STON1: variants seen among roughly 807,000 people sequenced by gnomAD.
STON1 encodes the protein stonin-1.
STON1 carries 79 observed loss-of-function variants against 60.9 expected under a neutral mutation model. The observed-to-expected ratio is 1.30, with a 90% confidence interval of 1.08 to 1.56. STON1 has a LOEUF of 1.56. STON1 is among the 40% of genes most tolerant of loss of function. The pLI is 0.00. For synonymous variants in STON1, 363 were observed against 306.9 expected (o/e 1.18, Z -1.91); for missense variants, 1,166 against 858.9 (o/e 1.36, Z -4.47).
chr2:48,565,525 G>A (rs991108582), intron 1 of STON1, among the ~76,000 whole-genome samples: 2 of 152,274 alleles, frequency 1.3e-5, no homozygotes, highest in Non-Finnish European at 1.5e-5. Context: ...CCCTGAGCAG[G>A]GAATTGGGCA....
chr2:48,541,521 T>TAAAA (rs1276920612), intron 1 of STON1, among the ~76,000 whole-genome samples: 1 of 92,388 alleles, frequency 1.1e-5, no homozygotes, highest in African/African-American at 4.1e-5. Context: ...CCATCTCTAC[T>TAAAA]AAAAAAAAAA....
rs1673883542 is a variant in STON1 at position 48,581,498 on chromosome 2, A to G, written c.865A>G (p.Met289Val). 6.2e-7 allele frequency: 1 copy of G among 1,614,094 alleles called. No homozygotes were observed. Among genetic ancestry groups the G allele is most frequent in the African/African-American group, 1.3e-5 (1 of 74,938 alleles). Residue 289 changes from methionine (M) to valine (V), a missense_variant, in exon 2 of 4, where the codon ATG becomes GTG. Met to Val is a conservative substitution (Grantham distance 21). Coordinates refer to ENST00000404752, the MANE Select transcript of STON1 (RefSeq NM_006873.4). ...MLRIPEKKNM[M>V]SSRQWGPIFL... ...GAGAATTCCTGAGAAGAAGAATATG[A>G]TGTCTTCCCGGCAATGGGGACCAAT... is the stretch of plus-strand genomic sequence containing the variant.
chr2:48,530,214 C>A lies in STON1; in HGVS notation c.-50C>A. 1 of 400,206 alleles carries A rather than the reference C, an allele frequency of 2.5e-6. No homozygotes were observed. The highest frequency in any genetic ancestry group is 1.9e-5 in the South Asian group (1 of 52,846). 24.8% of individuals were successfully genotyped at this position (400,206 alleles called of 1,614,324 possible). ...CAGAATCGGAGCCCCAACCGCGCTG[C>A]CGGTGAGTGACCAGCCCCAGGGGAC... On this transcript the variant is annotated splice_region_variant and 5_prime_UTR_variant, in exon 1 of 4. Transcript: ENST00000404752.
intron 1 of STON1, among the ~76,000 whole-genome samples, chr2:48,555,446 G>A (rs1419962421): frequency 5.0e-5 from 5 of 100,664 alleles, no homozygotes; most frequent in Non-Finnish European, 6.4e-5. Flanking sequence ...GCCGGGCAGG[G>A]GGGCTGACCC....
rs948676650 is a variant in STON1, at chr2:48,584,366, C to T, written c.1930+1803C>T. ...CACTGCAACCTCTGCCTCCCAGGTT[C>T]AAGTGATTTTCCTGCCTCAGCCTCC... On this transcript the variant is annotated intron_variant, in intron 2 of 3. Coordinates refer to ENST00000404752, the MANE Select transcript of STON1 (RefSeq NM_006873.4). Among the ~76,000 whole-genome samples the T allele has an allele frequency of 1.3e-5, 2 of 152,038 alleles. 1 individual carries two copies. The highest frequency in any genetic ancestry group is 4.8e-5 in the African/African-American group (2 of 41,392).
chr2:48,564,578 TCTC>T lies in STON1; in HGVS notation c.-47-15985_-47-15983del, dbSNP rs773952778. Among the ~76,000 whole-genome samples, 63 of 31,708 alleles carry T rather than the reference TCTC, an allele frequency of 2.0e-3. 18 individuals carry two copies. The highest frequency in any genetic ancestry group is 0.011 in the East Asian group (7 of 634). The allele number at this position is 31,708 out of a possible 152,430, so 20.8% of individuals were successfully genotyped here. On this transcript the variant is annotated intron_variant, in intron 1 of 3. Transcript: ENST00000404752. ...TTCTTCTTCTTCTTCTCCTTCTCCT[TCTC>T]CTCCTCCTCCTCCTCCTCCTCCTTC...
At chr2:48,575,999 C>G (rs1274165466) in intron 1 of STON1, among the ~76,000 whole-genome samples, 2 of 151,488 alleles carry the variant, frequency 1.3e-5, no homozygotes, top group Non-Finnish European at 2.9e-5. Context: ...CTTAGGTGAT[C>G]CACCTGTCTT....
At chr2:48,535,102 GTCA>G (rs1461447852) in intron 1 of STON1, among the ~76,000 whole-genome samples, 1 of 152,102 alleles carries the variant, frequency 6.6e-6, no homozygotes, top group Non-Finnish European at 1.5e-5. Flanking sequence ...ATTACAGGGT[GTCA>G]TCATTCTTTG....
At chr2:48,561,828 C>T (rs535778323) in intron 1 of STON1, among the ~76,000 whole-genome samples, 2 of 152,180 alleles carry the variant, frequency 1.3e-5, no homozygotes, top group South Asian at 2.1e-4. Flanking sequence ...ACCTTTCAGT[C>T]GTCAGCCACA....
intron 3 of STON1, among the ~76,000 whole-genome samples, chr2:48,592,476 G>T (rs949896702): frequency 2.0e-5 from 3 of 151,120 alleles, no homozygotes; most frequent in African/African-American, 4.9e-5. Flanking sequence ...CTGTCACCCA[G>T]GCTGGAGTGC....
chr2:48,572,920 A>G (rs1195645716), intron 1 of STON1, among the ~76,000 whole-genome samples: 1 of 152,200 alleles, frequency 6.6e-6, no homozygotes, highest in East Asian at 1.9e-4. Flanking sequence ...TGACAGTGAA[A>G]TGGCCTCCAG....
chr2:48,582,840 A>T (rs1218346224), intron 2 of STON1, among the ~76,000 whole-genome samples: 2 of 152,200 alleles, frequency 1.3e-5, no homozygotes, highest in Admixed American at 1.3e-4. Flanking sequence ...ACTAAGAGAA[A>T]ATTCGTTGAT....
At chr2:48,545,936 T>A (rs929335783) in intron 1 of STON1, among the ~76,000 whole-genome samples, 22 of 152,226 alleles carry the variant, frequency 1.4e-4, no homozygotes, top group Admixed American at 1.4e-3. Flanking sequence ...GAGGGTGATG[T>A]TGCAGTTCTG....
chr2:48,573,594 T>A (rs1673328651), intron 1 of STON1, among the ~76,000 whole-genome samples: 1 of 152,320 alleles, frequency 6.6e-6, no homozygotes, highest in Non-Finnish European at 1.5e-5. Context: ...TCACTGCCTC[T>A]GGTGTCATTA....
intron 1 of STON1, among the ~76,000 whole-genome samples, chr2:48,567,077 G>A (rs1454821451): frequency 6.6e-6 from 1 of 152,172 alleles, no homozygotes; most frequent in Non-Finnish European, 1.5e-5. Context: ...CCGTAGGGGA[G>A]GGGCAGTGTT....
chr2:48,574,290 C>T (rs754457414), intron 1 of STON1, among the ~76,000 whole-genome samples: 3 of 151,346 alleles, frequency 2.0e-5, no homozygotes, highest in Non-Finnish European at 2.9e-5. Flanking sequence ...GCAGGAGAAT[C>T]GATTGAACCC....
At chr2:48,564,504 C>T (rs1672806541) in intron 1 of STON1, among the ~76,000 whole-genome samples, 1 of 25,148 alleles carries the variant, frequency 4.0e-5, no homozygotes, top group Admixed American at 4.4e-4. Context: ...TCTTCTTCTT[C>T]TTCTTCTTCT....
rs72824105 is a variant in STON1 at position 48,561,840 on chromosome 2, G to A, written c.-47-18747G>A. ...TTCACCTTTCAGTCGTCAGCCACAT[G>A]TATGAAGTTCCCACATTACTTTTAT... On this transcript the variant is annotated intron_variant, in intron 1 of 3. Coordinates refer to ENST00000404752, the MANE Select transcript of STON1 (RefSeq NM_006873.4). Among the ~76,000 whole-genome samples the A allele has an allele frequency of 8.8e-3, 1,338 of 152,230 alleles. 9 individuals are homozygous for A. Among genetic ancestry groups the A allele is most frequent in the African/African-American group, 0.019 (791 of 41,544 alleles).
intron 2 of STON1, among the ~76,000 whole-genome samples, chr2:48,590,083 T>G (rs1317279573): frequency 6.6e-6 from 1 of 152,222 alleles, no homozygotes; most frequent in Admixed American, 6.5e-5. Context: ...CTGCAGTAAG[T>G]GTAAATGAAC....
Sources: gnomAD v4.1 joint callset for allele counts (sites outside exome capture counted in the v4.1 genomes callset) on GRCh38, gnomAD v4.1.1 for gene constraint, MANE v1.5 for transcripts, NCBI Gene and HGNC (gene_info 2026-07-23, HGNC 2026-07-21) for gene names.